The following THEMIS variants were observed in gnomAD, a reference collection of about 807,000 sequenced individuals.
The protein encoded by THEMIS is thymocyte selection associated, also known as protein THEMIS.
A neutral mutation model predicts 52.6 loss-of-function variants in THEMIS; 37 were observed. That is an observed-to-expected ratio of 0.70 (90% CI 0.54 to 0.93). The LOEUF is 0.93. Ranked by LOEUF, THEMIS falls within the 40% of genes least tolerant of loss-of-function variation. The probability of loss-of-function intolerance (pLI) is 0.00; values close to 1 mark genes in which losing one functional copy is unlikely to be tolerated. For missense variants in THEMIS, 808 were observed against 763.1 expected (o/e 1.06, Z -0.69); for synonymous variants, 292 against 272.7 (o/e 1.07, Z -0.70).
At chr6:127,746,602 TG>T (rs1376265795) in intron 4 of THEMIS, among the ~76,000 whole-genome samples, 31 of 146,214 alleles carry the variant, frequency 2.1e-4, no homozygotes. Context: ...ATATTGTTAT[TG>T]TTTTTAATAC....
At chr6:127,787,155 G>C (rs1280564857) in intron 4 of THEMIS, among the ~76,000 whole-genome samples, 1 of 152,198 alleles carries the variant, frequency 6.6e-6, no homozygotes, top group Non-Finnish European at 1.5e-5. Context: ...CAGAGGCTGT[G>C]ATGCTAATTG....
intron 4 of THEMIS, among the ~76,000 whole-genome samples, chr6:127,811,635 A>C (rs1388981617): frequency 1.3e-5 from 2 of 152,212 alleles, no homozygotes; most frequent in African/African-American, 4.8e-5. Flanking sequence ...TTAGGCATAT[A>C]AATATTTGAG....
At chr6:127,831,992 CATT>C (rs1231561757) in intron 2 of THEMIS, among the ~76,000 whole-genome samples, 1 of 151,990 alleles carries the variant, frequency 6.6e-6, no homozygotes, top group African/African-American at 2.4e-5. Flanking sequence ...AGTCCACAAT[CATT>C]ATGAGGGTAT....
chr6:127,698,337 T>C, the THEMIS span, among the ~76,000 whole-genome samples: 64 of 152,226 alleles, frequency 4.2e-4, no homozygotes, highest in Non-Finnish European at 7.7e-4. Flanking sequence ...TTAGTGCATA[T>C]AATCTTTGAA....
chr6:127,727,975 A>T (rs963655898), intron 4 of THEMIS, among the ~76,000 whole-genome samples: 3 of 152,072 alleles, frequency 2.0e-5, no homozygotes, highest in African/African-American at 7.2e-5. Context: ...ACCAACCAAC[A>T]CTTTTTTGAA....
At chr6:127,843,514 T>C (rs1779119272) in intron 2 of THEMIS, among the ~76,000 whole-genome samples, 2 of 152,020 alleles carry the variant, frequency 1.3e-5, no homozygotes, top group Admixed American at 1.3e-4. Flanking sequence ...TAATTTTATA[T>C]CAATAAGTTG....
At chr6:127,829,073 A>G (rs1176917467) in intron 3 of THEMIS, among the ~76,000 whole-genome samples, 1 of 152,212 alleles carries the variant, frequency 6.6e-6, no homozygotes, top group East Asian at 1.9e-4. Flanking sequence ...TAAGGGATGC[A>G]TCAAGGAAAC....
chr6:127,900,734 C>T (rs940560762), intron 1 of THEMIS, 108 bp downstream of exon 1: 4 of 951,148 alleles, frequency 4.2e-6, no homozygotes, highest in Non-Finnish European at 6.7e-6. Context: ...ATCGCCTTTC[C>T]TTTACCAGAA....
chr6:127,807,474 T>C, intron 4 of THEMIS: 1 of 193,428 alleles, frequency 5.2e-6, no homozygotes, highest in Middle Eastern at 1.1e-3. Context: ...TTAAAGGAAG[T>C]TCAAAAGTTT....
At chr6:127,912,061 A>G (rs1781425056) in intron 1 of THEMIS, among the ~76,000 whole-genome samples, 2 of 152,176 alleles carry the variant, frequency 1.3e-5, no homozygotes, top group Admixed American at 1.3e-4. Flanking sequence ...AGTACCCTGC[A>G]AAGTCATGGG....
intron 4 of THEMIS, among the ~76,000 whole-genome samples, chr6:127,781,134 A>T (rs986532678): frequency 2.6e-5 from 4 of 151,450 alleles, no homozygotes; most frequent in African/African-American, 4.9e-5. Flanking sequence ...AGCTTATTTC[A>T]TTAAGTTAAT....
intron 4 of THEMIS, among the ~76,000 whole-genome samples, chr6:127,800,531 G>A (rs541473546): frequency 3.9e-5 from 6 of 152,282 alleles, no homozygotes; most frequent in African/African-American, 9.6e-5. Context: ...AACCATCTGC[G>A]TTGGTTAATA....
chr6:127,751,416 A>C (rs1775640044), intron 4 of THEMIS, among the ~76,000 whole-genome samples: 1 of 151,718 alleles, frequency 6.6e-6, no homozygotes, highest in Non-Finnish European at 1.5e-5. Context: ...ATCAATCACA[A>C]AGAAAGGCAG....
intron 5 of THEMIS, among the ~76,000 whole-genome samples, chr6:127,714,730 A>G (rs529205381): frequency 6.6e-6 from 1 of 152,004 alleles, no homozygotes; most frequent in African/African-American, 2.4e-5. Flanking sequence ...ACTTTCTACC[A>G]TCCCCCAGCA....
chr6:127,707,478 G>A (rs530655639), downstream of THEMIS, among the ~76,000 whole-genome samples: 1 of 152,226 alleles, frequency 6.6e-6, no homozygotes, highest in East Asian at 1.9e-4. Flanking sequence ...TAGGTAGCAA[G>A]GGCAGGAACA....
At chr6:127,856,069 G>A (rs1779608992) in intron 1 of THEMIS, among the ~76,000 whole-genome samples, 1 of 151,944 alleles carries the variant, frequency 6.6e-6, no homozygotes, top group Non-Finnish European at 1.5e-5. Context: ...ATAGAGCTGT[G>A]AGCTTTTATA....
At chr6:127,827,788 C>A (rs1356578433) in intron 3 of THEMIS, among the ~76,000 whole-genome samples, 1 of 152,114 alleles carries the variant, frequency 6.6e-6, no homozygotes, top group African/African-American at 2.4e-5. Context: ...TTTCCTGTAC[C>A]CTGGCACTCA....
At chr6:127,780,805 C>A (rs1014037099) in intron 4 of THEMIS, among the ~76,000 whole-genome samples, 1 of 152,146 alleles carries the variant, frequency 6.6e-6, no homozygotes, top group Non-Finnish European at 1.5e-5. Flanking sequence ...GTAACCCAAC[C>A]TTTCTGGTTG....
At chr6:127,773,354 C>T (rs1035675910) in intron 4 of THEMIS, among the ~76,000 whole-genome samples, 23 of 152,182 alleles carry the variant, frequency 1.5e-4, no homozygotes, top group African/African-American at 5.5e-4. Context: ...ATGCTAGAAA[C>T]TTCTAAAAGA....
Sources: gnomAD v4.1 joint callset for allele counts (sites outside exome capture counted in the v4.1 genomes callset) on GRCh38, gnomAD v4.1.1 for gene constraint, MANE v1.5 for transcripts, NCBI Gene and HGNC (gene_info 2026-07-23, HGNC 2026-07-21) for gene names.